The following QTRT1 variants were observed in gnomAD, a reference collection of about 807,000 sequenced individuals.
QTRT1 encodes queuine tRNA-ribosyltransferase catalytic subunit 1.
Under a neutral mutation model 44.0 loss-of-function variants are expected in QTRT1, and 41 were observed. The observed-to-expected ratio is 0.93, with a 90% CI of 0.73 to 1.21. The LOEUF is 1.21. QTRT1 is among the 50% of genes most tolerant of loss of function. QTRT1 has a pLI of 0.00. For synonymous variants in QTRT1, 226 were observed against 237.1 expected (o/e 0.95, Z 0.43); for missense variants, 542 against 575.8 (o/e 0.94, Z 0.60).
In QTRT1 at chr19:10,710,473, C is replaced by T. The variant is rs530190535; in HGVS notation, c.647-1688C>T. 1.4e-4 allele frequency among the ~76,000 whole-genome samples: 21 copies of T among 152,062 alleles called. No individual in the cohort carries two copies. In the East Asian group the frequency reaches 1.8e-3, roughly 13 times the overall value. The stretch of plus-strand genomic sequence containing the variant: ...CTGGGATTACAGGCACCAGCCACCA[C>T]GCCTGGCCAATTTTTGTATTTTTAG... On this transcript the variant is annotated intron_variant, in intron 5 of 9. Coordinates refer to ENST00000250237, the MANE Select transcript of QTRT1 (RefSeq NM_031209.3).
chr19:10,703,776 C>G (rs1238154440), intron 3 of QTRT1, among the ~76,000 whole-genome samples: 1 of 151,916 alleles, frequency 6.6e-6, no homozygotes, highest in Non-Finnish European at 1.5e-5. Context: ...ATCTTGGTCC[C>G]CCAAAGTGCT....
chr19:10,701,466 G>A lies in QTRT1; in HGVS notation c.6G>A (p.Ala2=). 1 of 1,547,344 alleles carries A rather than the reference G, an allele frequency of 6.5e-7. No individual in the cohort carries two copies. The highest frequency in any genetic ancestry group is 8.7e-7 in the Non-Finnish European group (1 of 1,144,748). The change falls in exon 1 of 10, where the codon GCG becomes GCA. Residue 2 remains alanine, a synonymous_variant. Coordinates refer to ENST00000250237, the MANE Select transcript of QTRT1 (RefSeq NM_031209.3). M[A]GAATQASLES... is the part of the protein sequence containing the mutation. ...ACGTGGTTCCGACAGTCAAGATGGCGGGAGCAGCTACCCAGGCTTCCCTGG... is the reference window on the plus strand; with the variant it reads ...ACGTGGTTCCGACAGTCAAGATGGCAGGAGCAGCTACCCAGGCTTCCCTGG...
intron 3 of QTRT1, among the ~76,000 whole-genome samples, chr19:10,706,439 C>T (rs1256698320): frequency 1.3e-5 from 2 of 152,142 alleles, no homozygotes; most frequent in Non-Finnish European, 2.9e-5. Flanking sequence ...GTGGTGCAAT[C>T]TTAGCTCACC....
chr19:10,707,195 G>C, intron 3 of QTRT1, 107 bp from the exon 4 acceptor site: 1 of 1,097,348 alleles, frequency 9.1e-7, no homozygotes. Context: ...GCAAGACGGG[G>C]GATGGGGGGA....
rs2068687915 is a variant in QTRT1 at position 10,701,450 on chromosome 19, C to T, written c.-11C>T. ...CTGTGTGGTACGGCCCACGTGGTTCCGACAGTCAAGATGGCGGGAGCAGCT... is the reference window on the plus strand; with the variant it reads ...CTGTGTGGTACGGCCCACGTGGTTCTGACAGTCAAGATGGCGGGAGCAGCT... On this transcript the variant is annotated 5_prime_UTR_variant, in exon 1 of 10. Transcript: ENST00000250237. 1 of 1,537,896 alleles carries T rather than the reference C, an allele frequency of 6.5e-7. No homozygotes were observed. Among genetic ancestry groups the T allele is most frequent in the South Asian group, 1.2e-5 (1 of 80,072 alleles).
chr19:10,707,655 C>T lies in QTRT1; in HGVS notation c.646+40C>T, dbSNP rs373550729. On this transcript the variant is annotated intron_variant, in intron 5 of 9. Transcript: ENST00000250237. ...TGGCAGGCCCAGGGCTTGGCCATCG[C>T]GGAGGTCCCCACATGGGCCTGGCGT... 1.5e-4 allele frequency: 217 copies of T among 1,455,706 alleles called. 1 individual carries two copies. Among genetic ancestry groups the T allele is most frequent in the Admixed American group, 5.2e-4 (28 of 54,206 alleles). 90.2% of individuals were successfully genotyped at this position (1,455,706 alleles called of 1,614,324 possible).
rs550711660 is a variant in QTRT1, at chr19:10,712,272, A to C, written c.758A>C (p.Asp253Ala). Reference sequence around the variant, plus strand: ...CTGAGCACCTCTCGGCTGCCGAAGGACAAGCCCCGATATCTGATGGGGGTT... The same window carrying C: ...CTGAGCACCTCTCGGCTGCCGAAGGCCAAGCCCCGATATCTGATGGGGGTT... ...VALSTSRLPK[D>A]KPRYLMGVGY... The change falls in exon 6 of 10, where the codon GAC becomes GCC. Residue 253 changes from aspartate to alanine, a missense_variant. Transcript: ENST00000250237. The surrounding 1 kb of genome is among the most constrained non-coding windows in gnomAD (Gnocchi z 5.6). 2 of 1,613,620 alleles carry C rather than the reference A, an allele frequency of 1.2e-6. No homozygotes were observed. Among genetic ancestry groups the C allele is most frequent in the Admixed American group, 3.3e-5 (2 of 59,984 alleles).
In QTRT1 at chr19:10,712,881, C is replaced by T; in HGVS notation, c.971+14C>T. The T allele has an allele frequency of 5.6e-6, 9 of 1,613,014 alleles. No individual in the cohort carries two copies. Among genetic ancestry groups the T allele is most frequent in the Non-Finnish European group, 7.6e-6 (9 of 1,179,222 alleles). ...CACGTGCCAAAAGTAGGCAGGATGG[C>T]ACTGGGAGCTGGGGCAGGGCATGGA... On this transcript the variant is annotated intron_variant, in intron 8 of 9. Coordinates refer to ENST00000250237, the MANE Select transcript of QTRT1 (RefSeq NM_031209.3). The surrounding 1 kb of genome is among the most constrained non-coding windows in gnomAD (Gnocchi z 5.6).
chr19:10,706,316 C>T (rs972913657), intron 3 of QTRT1, among the ~76,000 whole-genome samples: 1 of 151,982 alleles, frequency 6.6e-6, no homozygotes, highest in African/African-American at 2.4e-5. Flanking sequence ...CATCAAGTTT[C>T]ATTTTATGCC....
Position 10,707,510 on chromosome 19 carries a change from TG to T in QTRT1, c.543del (p.Trp181CysfsTer37). The T allele has an allele frequency of 6.2e-7, 1 of 1,611,844 alleles. No homozygotes were observed. Among genetic ancestry groups the T allele is most frequent in the Non-Finnish European group, 8.5e-7 (1 of 1,178,290 alleles). On this transcript the variant is annotated frameshift_variant, in exon 5 of 10. Transcript: ENST00000250237. LOFTEE classifies it high-confidence loss of function. ...GGGGCCCTGTTGCAGGTCAATCCGCTGGCTGGACCGGTGCATTGCAGCCCAT... is the reference window on the plus strand; with the variant it reads ...GGGGCCCTGTTGCAGGTCAATCCGCTGCTGGACCGGTGCATTGCAGCCCAT... ...VEEAMYRSIRWLDRCIAAHQR... is the reference protein window; with the variant it reads ...VEEAMYRSIRXLDRCIAAHQR...
chr19:10,710,518 T>C (rs2145624203), intron 5 of QTRT1, among the ~76,000 whole-genome samples: 1 of 152,234 alleles, frequency 6.6e-6, no homozygotes, highest in South Asian at 2.1e-4. Context: ...GGTTTCACCA[T>C]GTTGGCCAGG....
Position 10,705,518 on chromosome 19 carries a change from C to T in QTRT1, c.452-1784C>T, listed in dbSNP as rs149876575. ...CCTCCCAAAGTGCTGGGACTACAGG[C>T]GTGAGTCACCACGCCTGCCCCTTTT... On this transcript the variant is annotated intron_variant, in intron 3 of 9. Coordinates refer to ENST00000250237, the MANE Select transcript of QTRT1 (RefSeq NM_031209.3). Among the ~76,000 whole-genome samples the T allele has an allele frequency of 3.9e-3, 597 of 152,084 alleles. 1 individual carries two copies. The highest frequency in any genetic ancestry group is 6.7e-3 in the Non-Finnish European group (453 of 67,994).
intron 5 of QTRT1, among the ~76,000 whole-genome samples, chr19:10,710,550 C>T (rs1464726541): frequency 2.0e-5 from 3 of 152,056 alleles, no homozygotes; most frequent in African/African-American, 7.2e-5. Context: ...CTCCTGACCT[C>T]GTGATCCACC....
intron 3 of QTRT1, among the ~76,000 whole-genome samples, chr19:10,705,629 G>A (rs2068709860): frequency 6.6e-6 from 1 of 151,676 alleles, no homozygotes; most frequent in Admixed American, 6.6e-5. Context: ...TTTGCTTCCT[G>A]GGTTCAAGCG....
chr19:10,708,834 C>G (rs1213469793), intron 5 of QTRT1: 1 of 148,020 alleles, frequency 6.8e-6, no homozygotes, highest in African/African-American at 2.5e-5. Flanking sequence ...GGCGTGATCT[C>G]AGGTCACTGC....
chr19:10,712,933 T>C lies in QTRT1; in HGVS notation c.972-20T>C, dbSNP rs1176135222. The C allele has an allele frequency of 6.2e-7, 1 of 1,612,904 alleles. No individual in the cohort carries two copies. Among genetic ancestry groups the C allele is most frequent in the Non-Finnish European group, 8.5e-7 (1 of 1,179,826 alleles). On this transcript the variant is annotated intron_variant, in intron 8 of 9. Coordinates refer to ENST00000250237, the MANE Select transcript of QTRT1 (RefSeq NM_031209.3). This position sits in a 1 kb window ranked among gnomAD's most constrained non-coding sequence, Gnocchi z 5.6. ...GGGACAGGGCCTGGCCGTGCTGAGC[T>C]GTCCCCTGCCGCTCTACAGGCACAG...
At chr19:10,704,193 G>A (rs1289234908) in intron 3 of QTRT1, among the ~76,000 whole-genome samples, 1 of 151,980 alleles carries the variant, frequency 6.6e-6, no homozygotes, top group Admixed American at 6.6e-5. Flanking sequence ...ATCTGGGCTG[G>A]TCTTGAACTC....
Position 10,713,040 on chromosome 19 carries a change from G to T in QTRT1, c.1059G>T (p.Gln353His). 6.2e-7 allele frequency: 1 copy of T among 1,610,862 alleles called. No individual in the cohort carries two copies. Among genetic ancestry groups the T allele is most frequent in the Non-Finnish European group, 8.5e-7 (1 of 1,179,902 alleles). Reference sequence around the variant, plus strand: ...TCACGGTCCACAACATCGCCTACCAGGTGAGCCAGTGCCCGGGGCAAGGTG... The same window carrying T: ...TCACGGTCCACAACATCGCCTACCATGTGAGCCAGTGCCCGGGGCAAGGTG... ...HHLTVHNIAY[Q>H]LQLMSAVRTS... is the part of the protein sequence containing the mutation. The change falls in exon 9 of 10, where the codon CAG becomes CAT. Residue 353 changes from glutamine to histidine, a missense_variant and splice_region_variant. Gln to His is a conservative substitution (Grantham distance 24, BLOSUM62 0). Transcript: ENST00000250237. The surrounding 1 kb of genome is among the most constrained non-coding windows in gnomAD (Gnocchi z 4.3).
rs562860104 is a variant in QTRT1 at position 10,713,142 on chromosome 19, A to G, written c.1084A>G (p.Thr362Ala). 1 of 1,609,256 alleles carries G rather than the reference A, an allele frequency of 6.2e-7. No individual in the cohort carries two copies. Among genetic ancestry groups the G allele is most frequent in the South Asian group, 1.1e-5 (1 of 90,862 alleles). ...GCTGCAGCTCATGAGCGCCGTCCGC[A>G]CCAGCATCGTGGAGAAGCGCTTCCC... Reference protein sequence around the residue: ...YQLQLMSAVRTSIVEKRFPDF... With the variant: ...YQLQLMSAVRASIVEKRFPDF... The change falls in exon 10 of 10, where the codon ACC (threonine) becomes GCC (alanine). Residue 362 changes from threonine (T) to alanine (A), a missense_variant. Coordinates refer to ENST00000250237, the MANE Select transcript of QTRT1 (RefSeq NM_031209.3). This position sits in a 1 kb window ranked among gnomAD's most constrained non-coding sequence, Gnocchi z 4.3.
Sources: allele counts gnomAD v4.1 joint callset (sites outside exome capture counted in the v4.1 genomes callset), GRCh38; gene constraint gnomAD v4.1.1; non-coding constraint Gnocchi (gnomAD v3.1); transcripts MANE v1.5; gene names NCBI Gene and HGNC (gene_info 2026-07-23, HGNC 2026-07-21).